Variants in DCAF8L2 observed in about 807,000 individuals in gnomAD.
DCAF8L2 encodes DDB1 and CUL4 associated factor 8 like 2.
For missense variants in DCAF8L2, 430 were observed against 490.7 expected, an observed-to-expected ratio of 0.88 and a Z score of 1.17; for synonymous variants, 200 against 190.9, an observed-to-expected ratio of 1.05 and a Z score of -0.39.
chrX:27,582,511 C>A, the DCAF8L2 span, among the ~76,000 whole-genome samples: 1 of 110,690 alleles, frequency 9.0e-6, no homozygotes, highest in Non-Finnish European at 1.9e-5. Flanking sequence ...TATAGCTGGC[C>A]CTCAGTTTGG....
chrX:27,642,842 T>A (rs5971422), intron 2 of DCAF8L2, among the ~76,000 whole-genome samples: 21,919 of 111,255 alleles, frequency 0.2, 1,849 homozygotes, highest in East Asian at 0.44. Context: ...ATATTCTCAA[T>A]AATAGTGATG....
intron 2 of DCAF8L2, among the ~76,000 whole-genome samples, chrX:27,650,228 T>C (rs1051952180): frequency 1.8e-5 from 2 of 111,867 alleles, no homozygotes; most frequent in Non-Finnish European, 3.8e-5. Flanking sequence ...TCAGATAATG[T>C]GATGCCTCCA....
At chrX:27,715,219 C>T (rs1451352141) in intron 3 of DCAF8L2, among the ~76,000 whole-genome samples, 1 of 109,833 alleles carries the variant, frequency 9.1e-6, no homozygotes, top group Non-Finnish European at 1.9e-5. Flanking sequence ...AGTGAAACCC[C>T]GTCTCTACTA....
At chrX:27,617,134 C>T (rs1927517532) in intron 1 of DCAF8L2, among the ~76,000 whole-genome samples, 1 of 111,456 alleles carries the variant, frequency 9.0e-6, no homozygotes, top group South Asian at 3.7e-4. Context: ...CAAGCTGCTA[C>T]CAGTTATGGG....
intron 2 of DCAF8L2, among the ~76,000 whole-genome samples, chrX:27,673,606 C>A (rs763807180): frequency 7.6e-4 from 81 of 106,561 alleles, no homozygotes; most frequent in African/African-American, 2.6e-3. Flanking sequence ...ATGTAGAACA[C>A]TTTTTGAGCT....
chrX:27,729,884 T>A (rs1176559010), intron 4 of DCAF8L2, among the ~76,000 whole-genome samples: 1 of 111,624 alleles, frequency 9.0e-6, no homozygotes, highest in Non-Finnish European at 1.9e-5. Flanking sequence ...GAACATGAGA[T>A]GAAAAATACT....
chrX:27,532,558 A>G, the DCAF8L2 span, among the ~76,000 whole-genome samples: 3 of 110,566 alleles, frequency 2.7e-5, no homozygotes, highest in Admixed American at 9.7e-5. Flanking sequence ...TTTGGCAGCT[A>G]TCATAGCAGC....
At chrX:27,692,760 G>C (rs1462766145) in intron 3 of DCAF8L2, among the ~76,000 whole-genome samples, 3 of 111,237 alleles carry the variant, frequency 2.7e-5, no homozygotes, top group Non-Finnish European at 5.7e-5. Context: ...TCACCCAGGG[G>C]ACAACTGGAA....
intron 1 of DCAF8L2, among the ~76,000 whole-genome samples, chrX:27,621,392 G>A (rs1927751373): frequency 9.0e-6 from 1 of 111,367 alleles, no homozygotes; most frequent in Non-Finnish European, 1.9e-5. Context: ...TTTATATTAT[G>A]TGTATTTTAA....
intron 4 of DCAF8L2, among the ~76,000 whole-genome samples, chrX:27,744,123 CTATT>C (rs1369371597): frequency 9.0e-6 from 1 of 111,530 alleles, no homozygotes; most frequent in Non-Finnish European, 1.9e-5. Flanking sequence ...ATGGGGTTCA[CTATT>C]TACTTTTTCT....
At chrX:27,572,487 A>C in the DCAF8L2 span, among the ~76,000 whole-genome samples, 7 of 112,141 alleles carry the variant, frequency 6.2e-5, no homozygotes, top group Admixed American at 6.6e-4. Flanking sequence ...CAATTTTTTC[A>C]TCATCATAGG....
intron 1 of DCAF8L2, among the ~76,000 whole-genome samples, chrX:27,610,798 G>C (rs1927124199): frequency 8.9e-6 from 1 of 112,267 alleles, no homozygotes; most frequent in African/African-American, 3.2e-5. Context: ...AAATTGGATG[G>C]ATCCAAGAGA....
At chrX:27,690,147 T>C (rs1298148878) in intron 3 of DCAF8L2, among the ~76,000 whole-genome samples, 1 of 111,627 alleles carries the variant, frequency 9.0e-6, no homozygotes, top group Admixed American at 9.6e-5. Context: ...TATTGTTAAA[T>C]TATGACTTTC....
At chrX:27,528,476 G>GTATATATATATA in the DCAF8L2 span, among the ~76,000 whole-genome samples, 346 of 83,417 alleles carry the variant, frequency 4.1e-3, 4 homozygotes, top group African/African-American at 0.011. Context: ...ATGTGTATGT[G>GTATATATATATA]TATATATATA....
At chrX:27,593,651 T>A (rs1926219670) in intron 1 of DCAF8L2, among the ~76,000 whole-genome samples, 1 of 111,712 alleles carries the variant, frequency 9.0e-6, no homozygotes, top group Admixed American at 9.5e-5. Context: ...GGCCTATTGC[T>A]TGTCCAGGCC....
intron 1 of DCAF8L2, among the ~76,000 whole-genome samples, chrX:27,618,844 A>G (rs1927599036): frequency 9.0e-6 from 1 of 111,330 alleles, no homozygotes; most frequent in Non-Finnish European, 1.9e-5. Context: ...TTTATTGATC[A>G]TAGACCAAAA....
chrX:27,543,503 T>C, the DCAF8L2 span, among the ~76,000 whole-genome samples: 1 of 111,293 alleles, frequency 9.0e-6, no homozygotes, highest in Non-Finnish European at 1.9e-5. Flanking sequence ...TTTTTTCTAA[T>C]TCCGTGAAAA....
the DCAF8L2 span, among the ~76,000 whole-genome samples, chrX:27,484,534 C>T: frequency 9.0e-6 from 1 of 111,220 alleles, no homozygotes; most frequent in Admixed American, 9.7e-5. Context: ...TAAAATATCT[C>T]CTGTATTCTT....
chrX:27,556,442 C>T, the DCAF8L2 span, among the ~76,000 whole-genome samples: 1 of 111,683 alleles, frequency 9.0e-6, no homozygotes, highest in Non-Finnish European at 1.9e-5. Flanking sequence ...ACTTTGCAAA[C>T]TTACTATCTG....
Sources: allele counts gnomAD v4.1 joint callset (sites outside exome capture counted in the v4.1 genomes callset), GRCh38; gene constraint gnomAD v4.1.1; transcripts MANE v1.5; gene names NCBI Gene and HGNC (gene_info 2026-07-23, HGNC 2026-07-21).